BRINP3: variants seen among roughly 807,000 people sequenced by gnomAD.
BRINP3 encodes BMP/retinoic acid-inducible neural-specific protein 3.
Under a neutral mutation model 71.0 loss-of-function variants are expected in BRINP3, and 19 were observed. The ratio of observed to expected loss-of-function variants is 0.27; its 90% CI spans 0.19 to 0.39. The LOEUF is 0.39. Among genes scored for constraint, BRINP3 ranks in the 10% least tolerant of loss-of-function variants. The pLI is 1.00. For synonymous variants in BRINP3, 380 were observed against 337.7 expected, an observed-to-expected ratio of 1.13 and a Z score of -1.37; for missense variants, 959 against 940.8, an observed-to-expected ratio of 1.02 and a Z score of -0.25.
intron 7 of BRINP3, among the ~76,000 whole-genome samples, chr1:190,136,656 C>T (rs1205575937): frequency 6.6e-6 from 1 of 151,922 alleles, no homozygotes; most frequent in Non-Finnish European, 1.5e-5. Context: ...TTTATTTTTT[C>T]CATCATCTAA....
intron 7 of BRINP3, among the ~76,000 whole-genome samples, chr1:190,135,275 A>G (rs929442911): frequency 1.3e-5 from 2 of 152,116 alleles, no homozygotes; most frequent in Non-Finnish European, 2.9e-5. Flanking sequence ...TTAATGGTAT[A>G]CACATTGTTA....
At chr1:190,173,055 A>G (rs1318541001) in intron 6 of BRINP3, among the ~76,000 whole-genome samples, 1 of 152,094 alleles carries the variant, frequency 6.6e-6, no homozygotes. Flanking sequence ...TCTTCATGTG[A>G]GCACTAATTC....
In BRINP3 at chr1:190,098,321, A is replaced by T. The variant is rs764193319; in HGVS notation, c.1998T>A (p.Ile666=). The change falls in exon 8 of 8, where the codon ATT becomes ATA. Residue 666 remains isoleucine (I), a synonymous_variant. Coordinates refer to ENST00000367462, the MANE Select transcript of BRINP3 (RefSeq NM_199051.3). ...RNLGYMKINN[I]QVFGYSMHFD... is the part of the protein sequence containing the mutation. ...AGTGCATGCTGTAGCCAAACACTTG[A>T]ATGTTATTGATTTTCATATAGCCCA... is the stretch of plus-strand genomic sequence containing the variant. 1.9e-6 allele frequency: 3 copies of T among 1,614,140 alleles called. No individual in the cohort carries two copies. Among genetic ancestry groups the T allele is most frequent in the Non-Finnish European group, 2.5e-6 (3 of 1,180,034 alleles).
intron 7 of BRINP3, among the ~76,000 whole-genome samples, chr1:190,148,058 C>G (rs1656047814): frequency 1.3e-5 from 2 of 152,200 alleles, no homozygotes; most frequent in Non-Finnish European, 1.5e-5. Context: ...AATTGATGAA[C>G]TAAGAAAAAC....
intron 1 of BRINP3, among the ~76,000 whole-genome samples, chr1:190,472,812 TACACAC>T (rs67049979): frequency 1.4e-5 from 2 of 147,488 alleles, no homozygotes; most frequent in African/African-American, 2.5e-5. Flanking sequence ...TGGTAGAAAT[TACACAC>T]ACACACACAC....
intron 2 of BRINP3, among the ~76,000 whole-genome samples, chr1:190,337,188 T>C (rs1667346432): frequency 6.6e-6 from 1 of 151,966 alleles, no homozygotes; most frequent in Admixed American, 6.6e-5. Context: ...TTTCTCTATG[T>C]ACCCCACTCC....
At chr1:190,199,771 G>GAAAAAAAA (rs35752025) in intron 6 of BRINP3, among the ~76,000 whole-genome samples, 3 of 123,328 alleles carry the variant, frequency 2.4e-5, no homozygotes, top group African/African-American at 5.9e-5. Context: ...CAAGGCATAG[G>GAAAAAAAA]AAAAAAAAAA....
At chr1:190,336,298 T>C (rs1313934902) in intron 2 of BRINP3, among the ~76,000 whole-genome samples, 1 of 152,094 alleles carries the variant, frequency 6.6e-6, no homozygotes, top group Non-Finnish European at 1.5e-5. Context: ...TTTGATGTTG[T>C]GCAAAGTTTC....
At chr1:190,386,204 C>T (rs1349800236) in intron 2 of BRINP3, among the ~76,000 whole-genome samples, 2 of 146,032 alleles carry the variant, frequency 1.4e-5, no homozygotes. Flanking sequence ...ACAATGTGCA[C>T]ATGTACCCTA....
Position 190,177,231 on chromosome 1 carries a change from C to G in BRINP3, c.962-16341G>C, listed in dbSNP as rs185944365. ...AGGCTGGAGTGCAGTGGCGCGGTCT[C>G]CACTCACTGCAAACTCTGCCTCCCA... On this transcript the variant is annotated intron_variant, in intron 6 of 7. Coordinates refer to ENST00000367462, the MANE Select transcript of BRINP3 (RefSeq NM_199051.3). 1.6e-3 allele frequency among the ~76,000 whole-genome samples: 231 copies of G among 142,678 alleles called. 2 individuals are homozygous for G. The highest frequency in any genetic ancestry group is 1.1e-3 in the Non-Finnish European group (74 of 66,426). The allele number at this position is 142,678 out of a possible 152,430, so 93.6% of individuals were successfully genotyped here.
intron 2 of BRINP3, among the ~76,000 whole-genome samples, chr1:190,386,259 A>G (rs1670896641): frequency 1.3e-5 from 2 of 151,490 alleles, no homozygotes; most frequent in South Asian, 2.1e-4. Flanking sequence ...TTAAAAAAAA[A>G]ATAATAAAAA....
chr1:190,227,362 T>C (rs1657490341), intron 5 of BRINP3, among the ~76,000 whole-genome samples: 2 of 151,772 alleles, frequency 1.3e-5, no homozygotes. Context: ...TGCAAATTGT[T>C]GGAAAAAGTA....
chr1:190,458,585 G>T (rs2102648229), intron 1 of BRINP3, among the ~76,000 whole-genome samples: 1 of 151,988 alleles, frequency 6.6e-6, no homozygotes, highest in African/African-American at 2.4e-5. Flanking sequence ...TACCTTAATT[G>T]GTTGCTTTAT....
At chr1:190,366,567 C>T (rs1319940745) in intron 2 of BRINP3, among the ~76,000 whole-genome samples, 1 of 152,104 alleles carries the variant, frequency 6.6e-6, no homozygotes, top group African/African-American at 2.4e-5. Context: ...CTTTCAACAG[C>T]CCCCCAAAGT....
rs1384073702 is a variant in BRINP3 at position 190,405,478 on chromosome 1, A to C, written c.236+49177T>G. Among the ~76,000 whole-genome samples, 4 of 93,298 alleles carry C rather than the reference A, an allele frequency of 4.3e-5. No individual in the cohort carries two copies. In the East Asian group the frequency reaches 9.8e-4, roughly 23 times the overall value. The allele number at this position is 93,298 out of a possible 152,430, so 61.2% of individuals were successfully genotyped here. ...AAAAAAAAAAAAAAAAAAAAAAAAA[A>C]AAAAAAAAAAAAAACCAGAATCAGA... On this transcript the variant is annotated intron_variant, in intron 2 of 7. Transcript: ENST00000367462.
At chr1:190,347,407 T>A (rs1201270679) in intron 2 of BRINP3, among the ~76,000 whole-genome samples, 1 of 152,178 alleles carries the variant, frequency 6.6e-6, no homozygotes, top group Non-Finnish European at 1.5e-5. Flanking sequence ...CCCAAAGTGC[T>A]GGGATTACAG....
chr1:190,452,514 A>G (rs1207524179), intron 2 of BRINP3, among the ~76,000 whole-genome samples: 1 of 152,194 alleles, frequency 6.6e-6, no homozygotes, highest in Non-Finnish European at 1.5e-5. Flanking sequence ...ATTACCTTTA[A>G]CATCTGTGAT....
chr1:190,333,185 T>A (rs1220914220), intron 2 of BRINP3, among the ~76,000 whole-genome samples: 1 of 151,920 alleles, frequency 6.6e-6, no homozygotes, highest in African/African-American at 2.4e-5. Flanking sequence ...CCCCACTGCA[T>A]AAAAATTTAT....
intron 2 of BRINP3, among the ~76,000 whole-genome samples, chr1:190,438,018 ACTC>A (rs1674579778): frequency 6.6e-6 from 1 of 151,262 alleles, no homozygotes; most frequent in African/African-American, 2.4e-5. Context: ...TTATAACTTC[ACTC>A]CTCAAGATTT....
Sources: allele counts gnomAD v4.1 joint callset (sites outside exome capture counted in the v4.1 genomes callset), GRCh38; gene constraint gnomAD v4.1.1; transcripts MANE v1.5; gene names NCBI Gene and HGNC (gene_info 2026-07-23, HGNC 2026-07-21).